Variants in MPP7 observed in about 807,000 individuals in gnomAD.
MPP7 encodes the protein MAGUK p55 scaffold protein 7, also known as MAGUK p55 subfamily member 7.
A neutral mutation model predicts 76.5 loss-of-function variants in MPP7; 60 were observed. The ratio of observed to expected loss-of-function variants is 0.78; its 90% confidence interval spans 0.64 to 0.97. The LOEUF (loss-of-function observed/expected upper bound fraction) is 0.97. Ranked by LOEUF, MPP7 falls within the 50% of genes least tolerant of loss-of-function variation. The pLI, the probability that MPP7 is intolerant of heterozygous loss-of-function variation, is 0.00. For missense variants in MPP7, 641 were observed against 694.0 expected (o/e 0.92, Z 0.86); for synonymous variants, 237 against 244.5 (o/e 0.97, Z 0.29).
intron 12 of MPP7, among the ~76,000 whole-genome samples, chr10:28,073,395 G>A (rs1252960454): frequency 6.6e-6 from 1 of 152,148 alleles, no homozygotes; most frequent in African/African-American, 2.4e-5. Context: ...GGTCTTTTCA[G>A]GAGTTATTCT....
intron 1 of MPP7, among the ~76,000 whole-genome samples, chr10:28,270,532 A>G (rs866817281): frequency 0.03 from 461 of 15,404 alleles, 5 homozygotes; most frequent in East Asian, 0.092. Context: ...AAAAAAAAAA[A>G]GGGGGGGGGG....
chr10:28,322,187 G>A (rs911517680), intron 2 of MPP7, among the ~76,000 whole-genome samples: 2 of 151,966 alleles, frequency 1.3e-5, no homozygotes, highest in Non-Finnish European at 2.9e-5. Context: ...AATTGACCAT[G>A]GTAAGGAGAA....
intron 2 of MPP7, among the ~76,000 whole-genome samples, chr10:28,310,568 T>C (rs1841284346): frequency 6.6e-6 from 1 of 152,160 alleles, no homozygotes; most frequent in African/African-American, 2.4e-5. Context: ...ATATTAATAG[T>C]TTCAAACATA....
In MPP7 at chr10:28,120,650, TTGCTCC is replaced by T; in HGVS notation, c.628_633del (p.Gly210_Ala211del). The T allele has an allele frequency of 6.2e-7, 1 of 1,613,646 alleles. No individual in the cohort carries two copies. The highest frequency in any genetic ancestry group is 8.5e-7 in the Non-Finnish European group (1 of 1,179,766). The stretch of plus-strand genomic sequence containing the variant: ...CTGCCGGGTATAATCTTAAATGTAA[TTGCTCC>T]CTGAGACTGAGCCTGGTAACAGATA... On this transcript the variant is annotated inframe_deletion, in exon 9 of 17. Coordinates refer to ENST00000683449, the MANE Select transcript of MPP7 (RefSeq NM_001318170.2).
At chr10:28,192,162 G>C (rs1324071379) in intron 3 of MPP7, among the ~76,000 whole-genome samples, 3 of 151,654 alleles carry the variant, frequency 2.0e-5, no homozygotes, top group East Asian at 1.9e-4. Context: ...TTCTCAACTT[G>C]ATGAAGAACA....
chr10:28,223,383 T>C (rs913211344), intron 2 of MPP7, among the ~76,000 whole-genome samples: 3 of 152,312 alleles, frequency 2.0e-5, no homozygotes, highest in Admixed American at 6.5e-5. Flanking sequence ...GGGGTCCCAA[T>C]AATCTTTCAA....
In MPP7 at chr10:28,302,934, A is replaced by C. The variant is rs1225934291; in HGVS notation, c.-205T>G. ...CCCCTGCAGCCCCGGGCCCGGAGGC[A>C]AGGAGGCAGCGACCGCCACCGCCGC... is the stretch of plus-strand genomic sequence containing the variant. On this transcript the variant is annotated 5_prime_UTR_variant, in exon 1 of 17. Transcript: ENST00000683449. Among the ~76,000 whole-genome samples, 4 of 152,002 alleles carry C rather than the reference A, an allele frequency of 2.6e-5. No individual in the cohort carries two copies. Among genetic ancestry groups the C allele is most frequent in the African/African-American group, 9.7e-5 (4 of 41,406 alleles).
intron 6 of MPP7, among the ~76,000 whole-genome samples, chr10:28,131,242 C>T (rs528379498): frequency 1.8e-4 from 27 of 152,232 alleles, no homozygotes; most frequent in Admixed American, 1.0e-3. Context: ...CTTAAAGTTG[C>T]GTTCCCATAG....
chr10:28,200,883 T>C (rs752680863), intron 3 of MPP7, among the ~76,000 whole-genome samples: 1 of 152,212 alleles, frequency 6.6e-6, no homozygotes, highest in Non-Finnish European at 1.5e-5. Context: ...TAAAGGATGA[T>C]GATGACACCT....
rs1834931154 is a variant in MPP7 at position 28,124,102 on chromosome 10, C to T, written c.544G>A (p.Gly182Ser). 6.2e-7 allele frequency: 1 copy of T among 1,609,132 alleles called. No individual in the cohort carries two copies. Among genetic ancestry groups the T allele is most frequent in the African/African-American group, 1.3e-5 (1 of 74,824 alleles). The change falls in exon 8 of 17, where the codon GGT becomes AGT. Residue 182 changes from glycine to serine, a missense_variant. Coordinates refer to ENST00000683449, the MANE Select transcript of MPP7 (RefSeq NM_001318170.2). ...AADRSGLIHV[G>S]DELREVNGIP... ...CCGTTGACTTCCCTAAGTTCATCAC[C>T]AACATGAATAAGACCTGAGAAATAG...
intron 3 of MPP7, among the ~76,000 whole-genome samples, chr10:28,197,846 T>G (rs1837638934): frequency 6.6e-6 from 1 of 152,208 alleles, no homozygotes; most frequent in Non-Finnish European, 1.5e-5. Flanking sequence ...GTGATTATTA[T>G]ATTGCATGCT....
chr10:28,211,617 T>C (rs931026600), intron 2 of MPP7, among the ~76,000 whole-genome samples: 4 of 152,126 alleles, frequency 2.6e-5, no homozygotes, highest in Non-Finnish European at 2.9e-5. Context: ...TGTATTCACA[T>C]TGAGTAAACA....
intron 12 of MPP7, among the ~76,000 whole-genome samples, chr10:28,071,847 G>C (rs1852255840): frequency 6.6e-6 from 1 of 152,064 alleles, no homozygotes; most frequent in South Asian, 2.1e-4. Flanking sequence ...CCAGGAATAA[G>C]AACTAGCATT....
At chr10:28,097,876 G>A (rs1293726796) in intron 11 of MPP7, among the ~76,000 whole-genome samples, 1 of 152,140 alleles carries the variant, frequency 6.6e-6, no homozygotes, top group Non-Finnish European at 1.5e-5. Context: ...AATTTAAGGT[G>A]TTTTCACAAT....
chr10:28,198,866 C>T (rs1274008660), intron 3 of MPP7, among the ~76,000 whole-genome samples: 1 of 152,146 alleles, frequency 6.6e-6, no homozygotes, highest in Non-Finnish European at 1.5e-5. Flanking sequence ...ATGCCATTCC[C>T]TAGTTCATGT....
chr10:28,329,782 C>T (rs1834455297), intron 2 of MPP7: 1 of 152,038 alleles, frequency 6.6e-6, no homozygotes, highest in African/African-American at 2.4e-5. Context: ...ATGAGGATTT[C>T]CAGTAACTGA....
At chr10:28,197,871 T>C (rs566048228) in intron 3 of MPP7, among the ~76,000 whole-genome samples, 1 of 152,302 alleles carries the variant, frequency 6.6e-6, no homozygotes, top group Admixed American at 6.5e-5. Context: ...TCAAAATATA[T>C]TGTATACTCC....
At chr10:28,176,078 A>G (rs765694095) in intron 3 of MPP7, among the ~76,000 whole-genome samples, 38 of 152,174 alleles carry the variant, frequency 2.5e-4, no homozygotes, top group Non-Finnish European at 5.0e-4. Flanking sequence ...AGTTTAAATT[A>G]GAAGTTGGGA....
chr10:28,125,235 C>CTTAGA (rs1419242478), intron 6 of MPP7, 144 bp from the exon 7 acceptor site: 16 of 664,816 alleles, frequency 2.4e-5, no homozygotes, highest in Non-Finnish European at 3.9e-5. Flanking sequence ...AAATAGACAT[C>CTTAGA]ATGCCATTTG....
Sources: allele counts gnomAD v4.1 joint callset (sites outside exome capture counted in the v4.1 genomes callset), GRCh38; gene constraint gnomAD v4.1.1; transcripts MANE v1.5; gene names NCBI Gene and HGNC (gene_info 2026-07-23, HGNC 2026-07-21).